Variants in NTM observed in about 807,000 individuals in gnomAD.
NTM encodes IgLON family member 2.
A neutral mutation model predicts 42.1 loss-of-function variants in NTM; 13 were observed. The ratio of observed to expected loss-of-function variants is 0.31; its 90% CI spans 0.20 to 0.49. NTM has a LOEUF of 0.49. Ranked by LOEUF, NTM falls within the 20% of genes least tolerant of loss-of-function variation. The probability of loss-of-function intolerance (pLI) is 0.99; values close to 1 mark genes in which losing one functional copy is unlikely to be tolerated. For synonymous variants in NTM, 187 were observed against 179.2 expected, an observed-to-expected ratio of 1.04 and a Z score of -0.35; for missense variants, 373 against 452.8, an observed-to-expected ratio of 0.82 and a Z score of 1.60.
chr11:131,789,537 AAGAAGAAGAAAAGAAGAAGAAGAAGAAG>A lies in NTM; in HGVS notation c.83-122025_83-121998del, dbSNP rs2090224571. On this transcript the variant is annotated intron_variant, in intron 1 of 8. Transcript: ENST00000683400. ...GAAGAAGAAGAAGAAGAAGAAGAAG[AAGAAGAAGAAAAGAAGAAGAAGAAGAAG>A]AAGAAGAAGAAGAAGAAGAAGAAGA... Among the ~76,000 whole-genome samples, 9 of 29,228 alleles carry A rather than the reference AAGAAGAAGAAAAGAAGAAGAAGAAGAAG, an allele frequency of 3.1e-4. 3 individuals carry two copies. The highest frequency in any genetic ancestry group is 5.3e-4 in the Non-Finnish European group (9 of 17,056). The allele number at this position is 29,228 out of a possible 152,430, so 19.2% of individuals were successfully genotyped here.
At chr11:131,795,088 C>A (rs1356104742) in intron 1 of NTM, 7 of 594,238 alleles carry the variant, frequency 1.2e-5, no homozygotes, top group Non-Finnish European at 1.3e-5. Flanking sequence ...TTAAACTGTT[C>A]ACATCTTGTT....
chr11:131,671,588 G>A (rs1482786571), intron 1 of NTM: 11 of 985,248 alleles, frequency 1.1e-5, no homozygotes, highest in Admixed American at 6.1e-5. Context: ...AGCCCACGCT[G>A]GGCTGGGCAT....
At chr11:131,714,635 T>C (rs557682597) in intron 1 of NTM, among the ~76,000 whole-genome samples, 2 of 152,346 alleles carry the variant, frequency 1.3e-5, no homozygotes, top group African/African-American at 2.4e-5. Context: ...TTTTCTACCT[T>C]GCTCATGTCT....
intron 1 of NTM, among the ~76,000 whole-genome samples, chr11:131,692,110 G>T (rs182862147): frequency 2.6e-5 from 4 of 152,138 alleles, no homozygotes; most frequent in Admixed American, 2.0e-4. Flanking sequence ...GACACTTCGC[G>T]GTTCTTTACA....
intron 1 of NTM, among the ~76,000 whole-genome samples, chr11:131,578,291 T>C (rs1419802038): frequency 1.3e-5 from 2 of 152,210 alleles, no homozygotes; most frequent in Non-Finnish European, 2.9e-5. Flanking sequence ...CCAAGCAAAT[T>C]ATTCAAATAT....
intron 1 of NTM, among the ~76,000 whole-genome samples, chr11:131,682,656 G>C (rs80343859): frequency 6.6e-6 from 1 of 152,200 alleles, no homozygotes; most frequent in African/African-American, 2.4e-5. Flanking sequence ...ACGGAGAGCG[G>C]GTCCTTCCTT....
At chr11:131,787,875 A>G (rs1221239665) in intron 1 of NTM, among the ~76,000 whole-genome samples, 1 of 152,206 alleles carries the variant, frequency 6.6e-6, no homozygotes, top group East Asian at 1.9e-4. Context: ...TTTGGTAGTT[A>G]GCATTTTGCT....
At chr11:132,113,622 A>G (rs1055716804) in intron 2 of NTM, among the ~76,000 whole-genome samples, 4 of 152,118 alleles carry the variant, frequency 2.6e-5, no homozygotes, top group Non-Finnish European at 5.9e-5. Context: ...TGTGAGAGGC[A>G]CTCCCAGATG....
intron 1 of NTM, among the ~76,000 whole-genome samples, chr11:131,460,578 A>G (rs1052373923): frequency 6.6e-6 from 1 of 151,922 alleles, no homozygotes; most frequent in African/African-American, 2.4e-5. Context: ...TCTGAGATGG[A>G]GTCTCGCTCT....
intron 7 of NTM, among the ~76,000 whole-genome samples, chr11:132,328,765 A>T (rs1432069548): frequency 2.0e-5 from 3 of 151,916 alleles, no homozygotes; most frequent in Non-Finnish European, 2.9e-5. Flanking sequence ...CACAGAGAGG[A>T]TCAAAAATCA....
At chr11:131,373,573 G>A (rs1348758094) in intron 1 of NTM, among the ~76,000 whole-genome samples, 1 of 151,862 alleles carries the variant, frequency 6.6e-6, no homozygotes, top group East Asian at 1.9e-4. Context: ...ATACACCAGG[G>A]TTGATTAAGT....
At chr11:132,135,371 A>T (rs1360558732) in intron 2 of NTM, among the ~76,000 whole-genome samples, 2 of 152,162 alleles carry the variant, frequency 1.3e-5, no homozygotes, top group African/African-American at 4.8e-5. Flanking sequence ...GTTCCTTCTG[A>T]TCACAAAGCA....
In NTM at chr11:132,335,182, GCCA is replaced by G. The variant is rs752504731; in HGVS notation, c.*49_*51del. 3.7e-5 allele frequency: 59 copies of G among 1,606,458 alleles called. No homozygotes were observed. The highest frequency in any genetic ancestry group is 3.7e-5 in the Non-Finnish European group (43 of 1,177,868). ...ACTTCCCCACCCGGGAAAGGCTGCC[GCCA>G]CCACCACCACCAACACAACAGCAAT... On this transcript the variant is annotated 3_prime_UTR_variant, in exon 9 of 9. Transcript: ENST00000683400.
Position 131,932,465 on chromosome 11 carries a change from A to C in NTM, c.167+20817A>C, listed in dbSNP as rs190416111. 2.6e-4 allele frequency among the ~76,000 whole-genome samples: 40 copies of C among 152,344 alleles called. 2 individuals are homozygous for C. Among genetic ancestry groups the C allele is most frequent in the African/African-American group, 9.1e-4 (38 of 41,576 alleles). ...GCTTTTTTCAACATTTGAGGAAAAG[A>C]GATTGTACATGCTGTATTGGAAATA... On this transcript the variant is annotated intron_variant, in intron 2 of 8. Coordinates refer to ENST00000683400, the MANE Select transcript of NTM (RefSeq NM_001352005.2).
At chr11:131,538,297 A>G (rs1047469244) in intron 1 of NTM, 5 of 152,182 alleles carry the variant, frequency 3.3e-5, no homozygotes, top group African/African-American at 1.2e-4. Context: ...ACGCGAGAAA[A>G]TCACGGACAG....
intron 1 of NTM, among the ~76,000 whole-genome samples, chr11:131,526,896 C>T (rs1453673720): frequency 6.6e-6 from 1 of 152,256 alleles, no homozygotes; most frequent in Non-Finnish European, 1.5e-5. Context: ...TCTCCATACA[C>T]AAATGGAAAG....
chr11:132,165,655 C>T (rs2075153772), intron 3 of NTM, among the ~76,000 whole-genome samples: 1 of 152,106 alleles, frequency 6.6e-6, no homozygotes, highest in Admixed American at 6.5e-5. Context: ...TTTAGTCTTG[C>T]TGAAGATCAT....
chr11:131,721,674 A>G (rs2078345775), intron 1 of NTM, among the ~76,000 whole-genome samples: 1 of 152,046 alleles, frequency 6.6e-6, no homozygotes, highest in Non-Finnish European at 1.5e-5. Flanking sequence ...TTGTATTGCC[A>G]ATATCTTAGG....
At chr11:132,064,123 AAG>A (rs1341680688) in intron 2 of NTM, among the ~76,000 whole-genome samples, 1 of 152,166 alleles carries the variant, frequency 6.6e-6, no homozygotes, top group Non-Finnish European at 1.5e-5. Flanking sequence ...ATGAGAGAGA[AAG>A]AAAGGAGGAG....
Sources: allele counts gnomAD v4.1 joint callset (sites outside exome capture counted in the v4.1 genomes callset), GRCh38; gene constraint gnomAD v4.1.1; transcripts MANE v1.5; gene names NCBI Gene and HGNC (gene_info 2026-07-23, HGNC 2026-07-21).